Variants in WDR7 observed in about 807,000 individuals in gnomAD.
WDR7 encodes the protein WD repeat-containing protein 7.
Under a neutral mutation model 169.4 loss-of-function variants are expected in WDR7, and 46 were observed. That is an observed-to-expected ratio of 0.27 (90% CI 0.21 to 0.35). WDR7 has a LOEUF of 0.35. Among genes scored for constraint, WDR7 ranks in the 10% least tolerant of loss-of-function variants. The pLI, the probability that WDR7 is intolerant of heterozygous loss-of-function variation, is 1.00. For synonymous variants in WDR7, 612 were observed against 666.8 expected (o/e 0.92, Z 1.27); for missense variants, 1,534 against 1,859.3 (o/e 0.83, Z 3.22).
intron 14 of WDR7, among the ~76,000 whole-genome samples, chr18:56,750,055 A>G (rs192787434): frequency 1.4e-4 from 22 of 151,864 alleles, no homozygotes; most frequent in Non-Finnish European, 2.5e-4. Context: ...GTGCCAAAAA[A>G]TATCCATGCT....
At chr18:56,945,793 A>G (rs1169241905) in intron 25 of WDR7, among the ~76,000 whole-genome samples, 1 of 152,128 alleles carries the variant, frequency 6.6e-6, no homozygotes, top group Non-Finnish European at 1.5e-5. Flanking sequence ...TGAACACTAA[A>G]CTTTGAAAAC....
At chr18:56,910,490 G>A (rs1389173114) in intron 21 of WDR7, among the ~76,000 whole-genome samples, 1 of 152,096 alleles carries the variant, frequency 6.6e-6, no homozygotes, top group Non-Finnish European at 1.5e-5. Context: ...ATATGATATG[G>A]TATGTTTTCA....
intron 20 of WDR7, among the ~76,000 whole-genome samples, chr18:56,828,676 AC>A (rs1424992858): frequency 6.6e-6 from 1 of 152,136 alleles, no homozygotes; most frequent in African/African-American, 2.4e-5. Context: ...GTTTAATATA[AC>A]TCTCATACTT....
intron 26 of WDR7, among the ~76,000 whole-genome samples, chr18:57,014,662 G>GA (rs112574282): frequency 0.27 from 39,420 of 145,990 alleles, 5,438 homozygotes; most frequent in Non-Finnish European, 0.32. Flanking sequence ...TGTCTCAAAA[G>GA]AAAAAAAAAA....
At chr18:57,010,328 T>A in intron 26 of WDR7, 1 of 975,432 alleles carries the variant, frequency 1.0e-6, no homozygotes, top group Non-Finnish European at 1.2e-6. Flanking sequence ...GATAATTTAT[T>A]CACTATTCTT....
chr18:56,952,387 C>T (rs933652878), intron 25 of WDR7, among the ~76,000 whole-genome samples: 3 of 152,214 alleles, frequency 2.0e-5, no homozygotes, highest in South Asian at 2.1e-4. Context: ...CTACTTTTCT[C>T]GTGACTGACT....
chr18:56,995,829 G>A (rs949290975), intron 26 of WDR7, among the ~76,000 whole-genome samples: 2 of 152,190 alleles, frequency 1.3e-5, no homozygotes, highest in Non-Finnish European at 2.9e-5. Context: ...GGTGTGATGT[G>A]TGCATGTCCG....
At chr18:56,813,256 A>G (rs1213134741) in intron 19 of WDR7, among the ~76,000 whole-genome samples, 1 of 151,122 alleles carries the variant, frequency 6.6e-6, no homozygotes, top group Admixed American at 6.6e-5. Flanking sequence ...AAATGTGTGT[A>G]TGTGTGTGTA....
intron 13 of WDR7, among the ~76,000 whole-genome samples, chr18:56,726,507 C>G (rs925999842): frequency 1.3e-5 from 2 of 152,132 alleles, no homozygotes; most frequent in Admixed American, 6.5e-5. Flanking sequence ...GATTTTGTAT[C>G]CTGAGACTTT....
chr18:56,702,743 A>C (rs1273375837), intron 12 of WDR7, among the ~76,000 whole-genome samples: 1 of 152,228 alleles, frequency 6.6e-6, no homozygotes, highest in Non-Finnish European at 1.5e-5. Flanking sequence ...AACCGAAGGG[A>C]AAGCTAGTGC....
At chr18:56,768,312 A>G (rs1358694172) in intron 16 of WDR7, among the ~76,000 whole-genome samples, 1 of 152,222 alleles carries the variant, frequency 6.6e-6, no homozygotes, top group Non-Finnish European at 1.5e-5. Context: ...TTTGGAAAGC[A>G]TATATACTTT....
chr18:56,655,618 CAAAAAAAAA>C (rs56899358), intron 1 of WDR7, among the ~76,000 whole-genome samples: 5 of 133,944 alleles, frequency 3.7e-5, no homozygotes, highest in South Asian at 2.3e-4. Context: ...GACCCTGTCT[CAAAAAAAAA>C]AAAAAAAAAA....
chr18:56,886,285 A>G (rs2046192487), intron 21 of WDR7, among the ~76,000 whole-genome samples: 1 of 152,188 alleles, frequency 6.6e-6, no homozygotes, highest in Non-Finnish European at 1.5e-5. Flanking sequence ...ATTTCTCAGC[A>G]GAAGCCCTAA....
At chr18:56,728,562 T>C (rs2026511912) in intron 13 of WDR7, among the ~76,000 whole-genome samples, 1 of 152,184 alleles carries the variant, frequency 6.6e-6, no homozygotes. Context: ...CTTTCTCCCC[T>C]TTTGGGATCT....
chr18:56,916,122 A>T (rs1433765886), intron 21 of WDR7, among the ~76,000 whole-genome samples: 1 of 152,018 alleles, frequency 6.6e-6, no homozygotes, highest in African/African-American at 2.4e-5. Flanking sequence ...CTTAGACAAA[A>T]TTTTTTTTAT....
chr18:57,032,937 A>C (rs2048450636), downstream of WDR7: 1 of 150,270 alleles, frequency 6.7e-6, no homozygotes, highest in Non-Finnish European at 1.5e-5. Context: ...TTTGCATGAA[A>C]CTGGTCCCTC....
chr18:56,764,473 G>A (rs1054110606), intron 16 of WDR7, among the ~76,000 whole-genome samples: 1 of 152,050 alleles, frequency 6.6e-6, no homozygotes, highest in African/African-American at 2.4e-5. Context: ...TGATACATGT[G>A]TACATTGTGG....
chr18:56,995,951 T>A (rs1036661907), intron 26 of WDR7, among the ~76,000 whole-genome samples: 3 of 152,184 alleles, frequency 2.0e-5, no homozygotes, highest in Admixed American at 1.3e-4. Flanking sequence ...GAGCAGGTGG[T>A]TGGAATTAAT....
intron 20 of WDR7, among the ~76,000 whole-genome samples, chr18:56,831,354 A>G (rs1224435537): frequency 6.6e-6 from 1 of 152,092 alleles, no homozygotes; most frequent in Non-Finnish European, 1.5e-5. Context: ...TGCTTTACTC[A>G]TATTCAGGGG....
Sources: gnomAD v4.1 joint callset for allele counts (sites outside exome capture counted in the v4.1 genomes callset) on GRCh38, gnomAD v4.1.1 for gene constraint, MANE v1.5 for transcripts, NCBI Gene and HGNC (gene_info 2026-07-23, HGNC 2026-07-21) for gene names.